NARS2: variants seen among roughly 807,000 people sequenced by gnomAD.
NARS2 encodes the protein asparaginyl-tRNA synthetase 2, mitochondrial, also known as asparaginyl-tRNA synthetase.
Under a neutral mutation model 62.9 loss-of-function variants are expected in NARS2, and 60 were observed. That is an observed-to-expected ratio of 0.95 (90% CI 0.77 to 1.18). NARS2 has a LOEUF of 1.18. Among genes scored for constraint, NARS2 ranks in the 50% most tolerant of loss-of-function variants. NARS2 has a pLI of 0.00. For missense variants in NARS2, 619 were observed against 576.4 expected (o/e 1.07, Z -0.76); for synonymous variants, 196 against 200.0 (o/e 0.98, Z 0.17).
intron 7 of NARS2, among the ~76,000 whole-genome samples, chr11:78,484,604 AT>A (rs1445823467): frequency 6.6e-6 from 1 of 151,786 alleles, no homozygotes; most frequent in African/African-American, 2.4e-5. Context: ...CTTCTTAAAA[AT>A]TTATGCAGCC....
intron 6 of NARS2, among the ~76,000 whole-genome samples, chr11:78,515,174 T>C (rs1392334935): frequency 6.6e-6 from 1 of 151,910 alleles, no homozygotes; most frequent in Non-Finnish European, 1.5e-5. Context: ...GTAGGAGAAA[T>C]GGGGATGCAT....
chr11:78,506,349 A>G (rs923940512), intron 6 of NARS2, among the ~76,000 whole-genome samples: 24 of 152,340 alleles, frequency 1.6e-4, no homozygotes, highest in African/African-American at 5.1e-4. Context: ...AAATAAAAAC[A>G]TATGTCCACA....
chr11:78,529,248 G>T lies in NARS2; in HGVS notation c.595-312C>A, dbSNP rs112902443. On this transcript the variant is annotated intron_variant, in intron 5 of 13. Transcript: ENST00000281038. ...GAGGCAATCTAAGGCAAGAAATTAT[G>T]AATTAATTTTTAATGTGAAGAATTA... Among the ~76,000 whole-genome samples, 824 of 152,260 alleles carry T rather than the reference G, an allele frequency of 5.4e-3. 6 individuals carry two copies. Among genetic ancestry groups the T allele is most frequent in the African/African-American group, 0.019 (793 of 41,542 alleles).
At chr11:78,459,793 G>C (rs547187150) in intron 11 of NARS2, among the ~76,000 whole-genome samples, 1 of 151,892 alleles carries the variant, frequency 6.6e-6, no homozygotes, top group East Asian at 1.9e-4. Context: ...TTTTGACATA[G>C]AGGAAAGTGT....
intron 5 of NARS2, among the ~76,000 whole-genome samples, chr11:78,559,301 CAAAAAAA>C (rs10627726): frequency 3.4e-5 from 2 of 58,452 alleles, no homozygotes; most frequent in African/African-American, 1.6e-4. Flanking sequence ...GACTCCATCT[CAAAAAAA>C]AAAAAAAAAA....
At chr11:78,560,472 A>G (rs1458147071) in intron 4 of NARS2, among the ~76,000 whole-genome samples, 2 of 152,224 alleles carry the variant, frequency 1.3e-5, no homozygotes, top group African/African-American at 4.8e-5. Flanking sequence ...GCAGGGTGGG[A>G]CTGCAGGTAA....
intron 8 of NARS2, 54 bp downstream of exon 8, chr11:78,478,531 T>A: frequency 1.5e-6 from 2 of 1,303,416 alleles, no homozygotes; most frequent in Non-Finnish European, 2.2e-6. Context: ...TCATTATGTA[T>A]AATTAACACA....
Position 78,571,359 on chromosome 11 carries a change from A to G in NARS2, c.227T>C (p.Val76Ala), listed in dbSNP as rs750627905. 2.7e-5 allele frequency: 43 copies of G among 1,613,528 alleles called. No homozygotes were observed. The highest frequency in any genetic ancestry group is 2.8e-5 in the Non-Finnish European group (33 of 1,179,706). ...CCTACTGTCAAGGCCTGAATCTGCA[A>G]CAACCTGAAGGCTTTCCAAAGATGA... ...DGSSLESLQV[V>A]ADSGLDSREL... The change falls in exon 2 of 14, where the codon GTT becomes GCT. Residue 76 changes from valine (V) to alanine (A), a missense_variant. By Grantham distance (64) the Val-to-Ala change is moderately conservative. Coordinates refer to ENST00000281038, the MANE Select transcript of NARS2 (RefSeq NM_024678.6).
At chr11:78,474,911 C>CT (rs375232248) in intron 9 of NARS2, among the ~76,000 whole-genome samples, 7,687 of 149,056 alleles carry the variant, frequency 0.052, 606 homozygotes, top group African/African-American at 0.18. Context: ...ACATGCTTCA[C>CT]TTTTTTTTTT....
intron 11 of NARS2, among the ~76,000 whole-genome samples, chr11:78,464,046 C>T (rs1858508665): frequency 6.6e-6 from 1 of 152,134 alleles, no homozygotes; most frequent in African/African-American, 2.4e-5. Flanking sequence ...GGCGGCGCGT[C>T]CGGAGTTTGT....
At chr11:78,464,020 T>C (rs1359157005) in intron 11 of NARS2, among the ~76,000 whole-genome samples, 1 of 152,002 alleles carries the variant, frequency 6.6e-6, no homozygotes, top group Non-Finnish European at 1.5e-5. Context: ...TCACGGTGAG[T>C]GTTACAGTTC....
At position 78,442,953 on chromosome 11, in the gene NARS2, CAG is replaced by C. The variant is rs1332472131; in HGVS notation, c.1262+706_1262+707del. Among the ~76,000 whole-genome samples the C allele has an allele frequency of 4.6e-5, 7 of 152,240 alleles. No individual in the cohort carries two copies. The East Asian group carries it at 1.4e-3, about 29-fold the overall frequency. ...CCCCAACTTCATCCTTTCCCTGGCTCAGAGTTTGTCTTTATGTCCTTATAGAA... is the reference window on the plus strand; with the variant it reads ...CCCCAACTTCATCCTTTCCCTGGCTCAGTTTGTCTTTATGTCCTTATAGAA... On this transcript the variant is annotated intron_variant, in intron 12 of 13. Transcript: ENST00000281038.
At chr11:78,461,602 T>TAAAAAAAAAAAAAAAAAAAAAAA (rs59664343) in intron 11 of NARS2, among the ~76,000 whole-genome samples, 1 of 64,084 alleles carries the variant, frequency 1.6e-5, no homozygotes, top group African/African-American at 6.1e-5. Context: ...GCTGTGCTGG[T>TAAAAAAAAAAAAAAAAAAAAAAA]AAAAAAAAAA....
At chr11:78,444,727 C>CAAAGAAAGA (rs56788561) in intron 11 of NARS2, among the ~76,000 whole-genome samples, 1 of 92,416 alleles carries the variant, frequency 1.1e-5, no homozygotes, top group Non-Finnish European at 2.5e-5. Flanking sequence ...TCAAACAAAA[C>CAAAGAAAGA]AAAAAAAAAA....
chr11:78,571,070 T>A (rs866940887), intron 2 of NARS2, among the ~76,000 whole-genome samples: 2 of 152,146 alleles, frequency 1.3e-5, no homozygotes, highest in South Asian at 2.1e-4. Context: ...GCAGAACAGC[T>A]TAAGGGAGCC....
At chr11:78,561,776 G>C (rs1053584720) in intron 4 of NARS2, among the ~76,000 whole-genome samples, 2 of 152,146 alleles carry the variant, frequency 1.3e-5, no homozygotes, top group East Asian at 3.8e-4. Flanking sequence ...ATTCCATAAA[G>C]AGGCCAGGAG....
chr11:78,540,540 C>A (rs1855571798), intron 5 of NARS2, among the ~76,000 whole-genome samples: 1 of 152,202 alleles, frequency 6.6e-6, no homozygotes, highest in African/African-American at 2.4e-5. Flanking sequence ...TCTCCTTTTA[C>A]TTTTTCCATT....
At chr11:78,542,905 A>G (rs989612691) in intron 5 of NARS2, among the ~76,000 whole-genome samples, 1 of 152,254 alleles carries the variant, frequency 6.6e-6, no homozygotes, top group Admixed American at 6.5e-5. Context: ...ACCTTGGGTC[A>G]AAACAAACCC....
intron 6 of NARS2, among the ~76,000 whole-genome samples, chr11:78,496,962 T>C (rs929861574): frequency 2.0e-5 from 3 of 152,140 alleles, no homozygotes; most frequent in African/African-American, 7.2e-5. Flanking sequence ...CAGCAAAGAC[T>C]GAACCAACCA....
Sources: gnomAD v4.1 joint callset for allele counts (sites outside exome capture counted in the v4.1 genomes callset) on GRCh38, gnomAD v4.1.1 for gene constraint, MANE v1.5 for transcripts, NCBI Gene and HGNC (gene_info 2026-07-23, HGNC 2026-07-21) for gene names.